The following CXADR variants were observed in gnomAD, a reference collection of about 807,000 sequenced individuals.
CXADR encodes the protein CXADR cell adhesion molecule.
CXADR carries 20 observed loss-of-function variants against 40.3 expected under a neutral mutation model. The ratio of observed to expected loss-of-function variants is 0.50; its 90% confidence interval spans 0.35 to 0.72. The LOEUF (loss-of-function observed/expected upper bound fraction) is 0.72, where lower values mean the gene tolerates loss of function less well. Ranked by LOEUF, CXADR falls within the 30% of genes least tolerant of loss-of-function variation. The pLI, the probability that CXADR is intolerant of heterozygous loss-of-function variation, is 0.01. For synonymous variants in CXADR, 150 were observed against 161.3 expected (o/e 0.93, Z 0.53); for missense variants, 332 against 449.1 (o/e 0.74, Z 2.36).
chr21:17,521,261 C>T (rs1181193903), intron 1 of CXADR, among the ~76,000 whole-genome samples: 1 of 152,084 alleles, frequency 6.6e-6, no homozygotes, highest in Non-Finnish European at 1.5e-5. Flanking sequence ...CTGTTGAGAA[C>T]ATTCAGAAAG....
rs1457485801 is a variant in CXADR, at chr21:17,570,047, C to T, written c.*4355C>T. 2 of 985,262 alleles carry T rather than the reference C, an allele frequency of 2.0e-6. No homozygotes were observed. The highest frequency in any genetic ancestry group is 2.4e-6 in the Non-Finnish European group (2 of 829,920). The allele number at this position is 985,262 out of a possible 1,614,324, so 61.0% of individuals were successfully genotyped here. A position where few individuals can be genotyped will look rare whatever the true frequency, so the allele number is the denominator to read the frequency against. ...GAACAAAATTTGTTAAGAAAAACAA[C>T]TTGCTCTAGTTTTGTGACCTTGTGT... On this transcript the variant is annotated 3_prime_UTR_variant, in exon 7 of 7. Coordinates refer to ENST00000284878, the MANE Select transcript of CXADR (RefSeq NM_001338.5).
the CXADR span, among the ~76,000 whole-genome samples, chr21:17,634,124 T>TG: frequency 3.9e-5 from 6 of 152,226 alleles, no homozygotes; most frequent in Non-Finnish European, 7.3e-5. Context: ...TCATTTGGGC[T>TG]GATGGCATAG....
chr21:17,593,486 T>C (rs530976385), exon 8 of CXADR: 38 of 218,958 alleles, frequency 1.7e-4, no homozygotes, highest in Admixed American at 6.3e-4. Flanking sequence ...TTCATATGCA[T>C]ATTCTGATAT....
chr21:17,627,890 A>G, the CXADR span, among the ~76,000 whole-genome samples: 2 of 152,220 alleles, frequency 1.3e-5, no homozygotes, highest in Non-Finnish European at 2.9e-5. Context: ...TTGGGTCAAT[A>G]CAATATGGAA....
chr21:17,609,612 T>C, the CXADR span, among the ~76,000 whole-genome samples: 2 of 152,214 alleles, frequency 1.3e-5, no homozygotes, highest in African/African-American at 4.8e-5. Flanking sequence ...GTTCGGCAGT[T>C]CCTAGAAAGG....
chr21:17,600,933 G>A, the CXADR span, among the ~76,000 whole-genome samples: 14 of 152,344 alleles, frequency 9.2e-5, no homozygotes, highest in Non-Finnish European at 1.6e-4. Flanking sequence ...GGAGGCCAAG[G>A]CGGGTGGATC....
chr21:17,557,082 T>G (rs1252676954), intron 3 of CXADR, among the ~76,000 whole-genome samples: 2 of 152,068 alleles, frequency 1.3e-5, no homozygotes, highest in Non-Finnish European at 2.9e-5. Context: ...TTCATAGTAG[T>G]GAAAGAATAA....
At chr21:17,602,606 C>T in the CXADR span, among the ~76,000 whole-genome samples, 21 of 152,172 alleles carry the variant, frequency 1.4e-4, no homozygotes, top group East Asian at 2.1e-3. Context: ...ACCTGACACT[C>T]GCAGGTGATT....
chr21:17,580,935 G>A (rs2061355901), intron 7 of CXADR, among the ~76,000 whole-genome samples: 1 of 152,038 alleles, frequency 6.6e-6, no homozygotes, highest in African/African-American at 2.4e-5. Flanking sequence ...TTCTTTTGTA[G>A]GGAGGAGGTC....
At chr21:17,541,779 A>G (rs955294874) in intron 1 of CXADR, among the ~76,000 whole-genome samples, 2 of 152,162 alleles carry the variant, frequency 1.3e-5, no homozygotes, top group African/African-American at 4.8e-5. Flanking sequence ...GGTATGCAAT[A>G]CTACAGAAGT....
At chr21:17,563,756 A>G (rs1007607178) in intron 6 of CXADR, among the ~76,000 whole-genome samples, 1 of 151,532 alleles carries the variant, frequency 6.6e-6, no homozygotes, top group Non-Finnish European at 1.5e-5. Context: ...CCTGGCTAAC[A>G]CGGTGAAACC....
rs1375825935 is a variant in CXADR at position 17,569,097 on chromosome 21, CTA to C, written c.*3407_*3408del. 6 of 985,304 alleles carry C rather than the reference CTA, an allele frequency of 6.1e-6. No homozygotes were observed. The highest frequency in any genetic ancestry group is 7.2e-6 in the Non-Finnish European group (6 of 829,946). The allele number at this position is 985,304 out of a possible 1,614,324, so 61.0% of individuals were successfully genotyped here. A position where few individuals can be genotyped will look rare whatever the true frequency, so the allele number is the denominator to read the frequency against. On this transcript the variant is annotated 3_prime_UTR_variant, in exon 7 of 7. Transcript: ENST00000284878. ...AAAGGAACTCATTGCATGAAGTTGA[CTA>C]TCAAATTCTGTGATGTGTGGCTTCT...
At chr21:17,536,414 T>C (rs1057482546) in intron 1 of CXADR, among the ~76,000 whole-genome samples, 3 of 152,214 alleles carry the variant, frequency 2.0e-5, no homozygotes, top group Non-Finnish European at 4.4e-5. Context: ...GGTTCTTTGC[T>C]TCTCTGGATG....
the CXADR span, among the ~76,000 whole-genome samples, chr21:17,615,941 A>G: frequency 2.0e-5 from 3 of 152,206 alleles, no homozygotes; most frequent in African/African-American, 7.2e-5. Flanking sequence ...TTTGAACTCA[A>G]GAGTTCAGCA....
intron 1 of CXADR, among the ~76,000 whole-genome samples, chr21:17,540,538 G>T (rs2060814038): frequency 1.3e-5 from 2 of 152,076 alleles, no homozygotes; most frequent in South Asian, 4.2e-4. Flanking sequence ...TTGCTGGAGG[G>T]GACTGGTTCT....
rs138686857 is a variant in CXADR at position 17,578,994 on chromosome 21, T to C, written c.1017+13383T>C. Among the ~76,000 whole-genome samples the C allele has an allele frequency of 5.7e-3, 868 of 152,186 alleles. 7 individuals carry two copies. Among genetic ancestry groups the C allele is most frequent in the African/African-American group, 0.019 (808 of 41,512 alleles). Reference sequence around the variant, plus strand: ...CCCCACTAGCTCCAGAGACATCTGATTCATAAGACCCAATATAAAAGCTAA... The same window carrying C: ...CCCCACTAGCTCCAGAGACATCTGACTCATAAGACCCAATATAAAAGCTAA... On this transcript the variant is annotated intron_variant, in intron 7 of 7. Coordinates refer to the CXADR transcript ENST00000400169.
chr21:17,557,353 C>T (rs1478232816), intron 3 of CXADR, among the ~76,000 whole-genome samples: 1 of 152,194 alleles, frequency 6.6e-6, no homozygotes, highest in Admixed American at 6.5e-5. Context: ...CCTCACAGCT[C>T]CCACTTCCTG....
chr21:17,567,383 T>C lies in CXADR; in HGVS notation c.*1691T>C. 1.0e-6 allele frequency: 1 copy of C among 985,092 alleles called. No homozygotes were observed. Among genetic ancestry groups the C allele is most frequent in the Non-Finnish European group, 1.2e-6 (1 of 829,564 alleles). 61.0% of individuals were successfully genotyped at this position (985,092 alleles called of 1,614,324 possible). ...TTTTAACCTTATGTAAAATTACTTT[T>C]ATACTCGTGTTAACATTTTCATCTG... is the stretch of plus-strand genomic sequence containing the variant. On this transcript the variant is annotated 3_prime_UTR_variant, in exon 7 of 7. Transcript: ENST00000284878.
rs533304849 is a variant in CXADR, at chr21:17,538,434, T to C, written c.44-8593T>C. On this transcript the variant is annotated intron_variant, in intron 1 of 6. Coordinates refer to ENST00000284878, the MANE Select transcript of CXADR (RefSeq NM_001338.5). ...CTAGAGGGTGGCTAGTCAAAGGACC[T>C]TGAGGGAGAATTAAGGTGTCTGAAT... Among the ~76,000 whole-genome samples the C allele has an allele frequency of 3.9e-5, 6 of 152,160 alleles. No homozygotes were observed. In the East Asian group the frequency reaches 9.7e-4, roughly 25 times the overall value.
Sources: gnomAD v4.1 joint callset for allele counts (sites outside exome capture counted in the v4.1 genomes callset) on GRCh38, gnomAD v4.1.1 for gene constraint, MANE v1.5 for transcripts, NCBI Gene and HGNC (gene_info 2026-07-23, HGNC 2026-07-21) for gene names.